The following PPP1R7 variants were observed in gnomAD, a reference collection of about 807,000 sequenced individuals.
PPP1R7 encodes protein phosphatase 1 regulatory subunit 7.
In PPP1R7, 18 loss-of-function variants were observed where a neutral mutation model predicts 45.2. The ratio of observed to expected loss-of-function variants is 0.40; its 90% CI spans 0.28 to 0.59. The LOEUF (loss-of-function observed/expected upper bound fraction) is 0.59, where lower values mean the gene tolerates loss of function less well. Ranked by LOEUF, PPP1R7 falls within the 20% of genes least tolerant of loss-of-function variation. The pLI is 0.46. For synonymous variants in PPP1R7, 181 were observed against 183.4 expected (o/e 0.99, Z 0.11); for missense variants, 314 against 455.8 (o/e 0.69, Z 2.83).
chr2:241,169,546 C>T (rs528609703), intron 8 of PPP1R7, among the ~76,000 whole-genome samples: 7 of 152,066 alleles, frequency 4.6e-5, no homozygotes, highest in East Asian at 1.9e-4. Flanking sequence ...CAAATTCCAG[C>T]GATCAGGAGA....
intron 2 of PPP1R7, among the ~76,000 whole-genome samples, chr2:241,156,040 A>G (rs2067449538): frequency 1.3e-5 from 2 of 152,226 alleles, no homozygotes; most frequent in South Asian, 2.1e-4. Flanking sequence ...GAATGCAACC[A>G]TGTGGGATCA....
At chr2:241,178,487 G>T in intron 9 of PPP1R7, among the ~76,000 whole-genome samples, 2 of 137,652 alleles carry the variant, frequency 1.5e-5, no homozygotes, top group African/African-American at 2.7e-5. Context: ...GACAGAGTCT[G>T]GCTCTGTCAC....
intron 5 of PPP1R7, 127 bp from the exon 6 acceptor site, chr2:241,160,205 C>G (rs1224313281): frequency 1.5e-6 from 1 of 687,042 alleles, no homozygotes; most frequent in East Asian, 3.0e-5. Flanking sequence ...CAGAACCCCC[C>G]ACCCTCTCCC....
At chr2:241,169,691 C>G in intron 8 of PPP1R7, 90 bp from the exon 9 acceptor site, 1 of 1,107,684 alleles carries the variant, frequency 9.0e-7, no homozygotes, top group Non-Finnish European at 1.4e-6. Context: ...ACCTGCAGCC[C>G]TAAGGTCAGC....
chr2:241,159,714 A>T (rs2067542699), intron 5 of PPP1R7, among the ~76,000 whole-genome samples: 3 of 152,172 alleles, frequency 2.0e-5, no homozygotes, highest in African/African-American at 4.8e-5. Flanking sequence ...ATTACAAAAA[A>T]AAGTGACATT....
At position 241,158,391 on chromosome 2, in the gene PPP1R7, C is replaced by G. The variant is rs370494870; in HGVS notation, c.238-93C>G. The G allele has an allele frequency of 8.8e-5, 104 of 1,185,416 alleles. No individual in the cohort carries two copies. In the African/African-American group the frequency reaches 1.2e-3, roughly 14 times the overall value. The allele number at this position is 1,185,416 out of a possible 1,614,324, so 73.4% of individuals were successfully genotyped here. A position where few individuals can be genotyped will look rare whatever the true frequency, so the allele number is the denominator to read the frequency against. On this transcript the variant is annotated intron_variant, in intron 3 of 9. Coordinates refer to ENST00000234038, the MANE Select transcript of PPP1R7 (RefSeq NM_002712.3). The stretch of plus-strand genomic sequence containing the variant: ...CAGACCCACCTGGCACTGCCTCCCC[C>G]ACTGCTGCCCACTTCCAGGCCGCCT...
Position 241,182,728 on chromosome 2 carries a change from C to G in PPP1R7, c.988C>G (p.Arg330Gly). The G allele has an allele frequency of 6.2e-7, 1 of 1,614,184 alleles. No individual in the cohort carries two copies. ...GAGCCTGGAGACAGTGTACCTGGAGCGGAACCCCTTGCAGAAGGACCCCCA... is the reference window on the plus strand; with the variant it reads ...GAGCCTGGAGACAGTGTACCTGGAGGGGAACCCCTTGCAGAAGGACCCCCA... ...ARSLETVYLERNPLQKDPQYR... is the reference protein window; with the variant it reads ...ARSLETVYLEGNPLQKDPQYR... Residue 330 changes from arginine (R) to glycine (G), a missense_variant, in exon 10 of 10, where the codon CGG (arginine) becomes GGG (glycine). Coordinates refer to ENST00000234038, the MANE Select transcript of PPP1R7 (RefSeq NM_002712.3).
intron 9 of PPP1R7, among the ~76,000 whole-genome samples, chr2:241,175,938 T>G (rs750423921): frequency 4.6e-5 from 7 of 152,158 alleles, no homozygotes; most frequent in Non-Finnish European, 8.8e-5. Flanking sequence ...CCACCACGCC[T>G]GGCTAATTTT....
chr2:241,157,559 A>C (rs1380709337), intron 2 of PPP1R7, among the ~76,000 whole-genome samples: 1 of 152,196 alleles, frequency 6.6e-6, no homozygotes, highest in Non-Finnish European at 1.5e-5. Context: ...GCACAGATGG[A>C]TGTTTGGTGA....
Position 241,163,244 on chromosome 2 carries a change from T to G in PPP1R7, c.598-41T>G, listed in dbSNP as rs764082890. ...CACCTGCTGGCTGCCTGGGGCAGCCTGTCAACTGCAGTACTCATTGCTGTT... is the reference window on the plus strand; with the variant it reads ...CACCTGCTGGCTGCCTGGGGCAGCCGGTCAACTGCAGTACTCATTGCTGTT... On this transcript the variant is annotated intron_variant, in intron 6 of 9. Coordinates refer to ENST00000234038, the MANE Select transcript of PPP1R7 (RefSeq NM_002712.3). The G allele has an allele frequency of 6.4e-6, 9 of 1,395,430 alleles. No individual in the cohort carries two copies. The East Asian group carries it at 1.8e-4, about 28-fold the overall frequency. The allele number at this position is 1,395,430 out of a possible 1,614,324, so 86.4% of individuals were successfully genotyped here.
chr2:241,183,447 C>T lies in PPP1R7; in HGVS notation c.*624C>T, dbSNP rs1317666652. 2.1e-6 allele frequency: 1 copy of T among 471,070 alleles called. No homozygotes were observed. The highest frequency in any genetic ancestry group is 4.4e-6 in the Non-Finnish European group (1 of 227,068). 29.2% of individuals were successfully genotyped at this position (471,070 alleles called of 1,614,324 possible). On this transcript the variant is annotated 3_prime_UTR_variant, in exon 10 of 10. Coordinates refer to ENST00000234038, the MANE Select transcript of PPP1R7 (RefSeq NM_002712.3). ...GTGTGCCCGTCAGTTCTCGCCACAT[C>T]CCTTGCCTGTGGGTGAAAGCTCAGG...
chr2:241,170,004 G>A (rs1012213662), intron 9 of PPP1R7, 137 bp downstream of exon 9: 71 of 684,988 alleles, frequency 1.0e-4, no homozygotes, highest in Non-Finnish European at 1.7e-4. Flanking sequence ...GATTTGGGGT[G>A]GGCGCTCTTG....
At position 241,183,276 on chromosome 2, in the gene PPP1R7, T is replaced by A. The variant is rs114081731; in HGVS notation, c.*453T>A. ...CAGTCTTGACCTGCAACAACCGAGG[T>A]TTTTTAGTCTTTTAACCCAGCCATT... On this transcript the variant is annotated 3_prime_UTR_variant, in exon 10 of 10. Transcript: ENST00000234038. 6.2e-3 allele frequency: 2,508 copies of A among 405,588 alleles called. 57 individuals carry two copies. Among genetic ancestry groups the A allele is most frequent in the African/African-American group, 0.043 (2,057 of 47,756 alleles). The allele number at this position is 405,588 out of a possible 1,614,324, so 25.1% of individuals were successfully genotyped here.
intron 8 of PPP1R7, 138 bp from the exon 9 acceptor site, chr2:241,169,643 A>G: frequency 1.5e-6 from 1 of 663,144 alleles, no homozygotes; most frequent in Non-Finnish European, 2.7e-6. Context: ...CACCCTCCAT[A>G]GCATGCCCTT....
At position 241,163,421 on chromosome 2, in the gene PPP1R7, G is replaced by A. The variant is rs761891465; in HGVS notation, c.714+20G>A. On this transcript the variant is annotated intron_variant, in intron 7 of 9. Transcript: ENST00000234038. The stretch of plus-strand genomic sequence containing the variant: ...ATGCAGGTACGGAGCTTCCTGAGCC[G>A]CCCTTCCCTGCGAGCCCTGGCAGGG... 25 of 1,546,700 alleles carry A rather than the reference G, an allele frequency of 1.6e-5. No homozygotes were observed. In the South Asian group the frequency reaches 1.7e-4, roughly 10 times the overall value.
intron 2 of PPP1R7, among the ~76,000 whole-genome samples, chr2:241,155,535 T>C (rs1290971900): frequency 6.6e-6 from 1 of 152,230 alleles, no homozygotes; most frequent in Non-Finnish European, 1.5e-5. Context: ...TTCTACCTAT[T>C]TTCCTTAAAT....
Position 241,160,498 on chromosome 2 carries a change from G to C in PPP1R7, c.597+4G>C. ...GCTGGGATCTAACCGCATCCGGGTA[G>C]GTGCAGACAGCCCTGACTAGTATAT... is the stretch of plus-strand genomic sequence containing the variant. On this transcript the variant is annotated splice_donor_region_variant and intron_variant, in intron 6 of 9. Transcript: ENST00000234038. 1 of 1,596,834 alleles carries C rather than the reference G, an allele frequency of 6.3e-7. No homozygotes were observed. Among genetic ancestry groups the C allele is most frequent in the Non-Finnish European group, 8.5e-7 (1 of 1,173,298 alleles).
chr2:241,156,375 T>TAAGAA, intron 2 of PPP1R7, among the ~76,000 whole-genome samples: 1 of 152,270 alleles, frequency 6.6e-6, no homozygotes, highest in Middle Eastern at 3.4e-3. Flanking sequence ...AAAAGAAATT[T>TAAGAA]AAGAAAAATG....
At chr2:241,153,213 A>G (rs1309388507) in intron 1 of PPP1R7, among the ~76,000 whole-genome samples, 3 of 152,192 alleles carry the variant, frequency 2.0e-5, no homozygotes, top group Admixed American at 6.5e-5. Context: ...ACACTGGGCA[A>G]TTCTTCACAA....
Sources: gnomAD v4.1 joint callset for allele counts (sites outside exome capture counted in the v4.1 genomes callset) on GRCh38, gnomAD v4.1.1 for gene constraint, MANE v1.5 for transcripts, NCBI Gene and HGNC (gene_info 2026-07-23, HGNC 2026-07-21) for gene names.